Variants in TTN observed in about 807,000 individuals in gnomAD.
The protein encoded by TTN is connectin.
TTN carries 1,525 observed loss-of-function variants against 3,223.0 expected under a neutral mutation model. The observed-to-expected ratio is 0.47, with a 90% CI of 0.45 to 0.49. The LOEUF (loss-of-function observed/expected upper bound fraction) is 0.49, where lower values mean the gene tolerates loss of function less well. Ranked by LOEUF, TTN falls within the 20% of genes least tolerant of loss-of-function variation. TTN has a pLI of 0.00. For synonymous variants in TTN, 14,094 were observed against 15,161.0 expected (o/e 0.93, Z 5.17); for missense variants, 40,786 against 43,424.0 (o/e 0.94, Z 5.40).
chr2:178,563,200 G>T lies in TTN; in HGVS notation c.82932C>A (p.Phe27644Leu), dbSNP rs1166436364. The T allele has an allele frequency of 1.2e-6, 2 of 1,613,696 alleles. No homozygotes were observed. The highest frequency in any genetic ancestry group is 2.2e-5 in the South Asian group (2 of 91,072). Residue 27644 changes from phenylalanine (F) to leucine (L), a missense_variant, in exon 326 of 363, where the codon TTC (phenylalanine) becomes TTA (leucine). Transcript: ENST00000589042. This position sits in a 1 kb window ranked among gnomAD's most constrained non-coding sequence, Gnocchi z 4.5. ...TKLKENTEYNFRICAINSEGV... is the reference protein window; with the variant it reads ...TKLKENTEYNLRICAINSEGV... ...CTTCAGAATTGATGGCACAAATACG[G>T]AAGTTATATTCAGTGTTTTCTTTAA...
At chr2:178,650,616 G>A (rs574608562) in intron 209 of TTN, 135 bp downstream of exon 209, 14 of 913,998 alleles carry the variant, frequency 1.5e-5, no homozygotes, top group African/African-American at 3.4e-5. Context: ...AGCTAATTTA[G>A]AATGATGAAT....
Position 178,617,420 on chromosome 2 carries a change from T to A in TTN, c.47665A>T (p.Ser15889Cys). The A allele has an allele frequency of 6.3e-7, 1 of 1,592,848 alleles. No homozygotes were observed. The highest frequency in any genetic ancestry group is 8.5e-7 in the Non-Finnish European group (1 of 1,173,100). The change falls in exon 254 of 363, where the codon AGC becomes TGC. Residue 15889 changes from serine (S) to cysteine (C), a missense_variant. Physicochemically the swap from Ser to Cys is moderately radical, Grantham distance 112 (BLOSUM62 -1). Transcript: ENST00000589042. Reference sequence around the variant, plus strand: ...TCAATTATATAGCCTAATATTGGGCTTCCTCCATCTTTCAGAGGAGGTTCC... The same window carrying A: ...TCAATTATATAGCCTAATATTGGGCATCCTCCATCTTTCAGAGGAGGTTCC... The part of the protein sequence containing the change: ...KWEPPLKDGG[S>C]PILGYIIERC...
rs1060500532 is a variant in TTN, at chr2:178,785,864, A to G, written c.2354T>C (p.Met785Thr). 2 of 1,614,012 alleles carry G rather than the reference A, an allele frequency of 1.2e-6. No homozygotes were observed. The highest frequency in any genetic ancestry group is 1.7e-6 in the Non-Finnish European group (2 of 1,180,022). The part of the protein sequence containing the change: ...THIKTTDQKG[M>T]HISSQIKKTT... ...TAGACTCACCTGTGATGATATGTGCATTCCCTTTTGATCAGTAGTTTTGAT... is the reference window on the plus strand; with the variant it reads ...TAGACTCACCTGTGATGATATGTGCGTTCCCTTTTGATCAGTAGTTTTGAT... Residue 785 changes from methionine (M) to threonine (T), a missense_variant, in exon 14 of 363, where the codon ATG becomes ACG. Physicochemically the swap from Met to Thr is moderately conservative, Grantham distance 81. Transcript: ENST00000589042.
chr2:178,730,828 G>T lies in TTN; in HGVS notation c.17741-36C>A, dbSNP rs770797670. 10 of 1,540,556 alleles carry T rather than the reference G, an allele frequency of 6.5e-6. No individual in the cohort carries two copies. The East Asian group carries it at 2.0e-4, about 31-fold the overall frequency. ...AAAAAGCAAACAACAACAAAAAAAG[G>T]TCAATCTACTAATTTGTTTTTGTTT... On this transcript the variant is annotated intron_variant, in intron 60 of 362. Transcript: ENST00000589042.
Position 178,601,463 on chromosome 2 carries a change from T to C in TTN, c.55534A>G (p.Lys18512Glu). Reference protein sequence around the residue: ...MPDDDGGDRIKGYVIEKRTID... With the variant: ...MPDDDGGDRIEGYVIEKRTID... ...GTCCTCTTCTCAATAACATAGCCTT[T>C]GATCCTGTCTCCTCCATCGTCGTCT... Residue 18512 changes from lysine to glutamate, a missense_variant, in exon 287 of 363, where the codon AAA becomes GAA. By Grantham distance (56) the Lys-to-Glu change is moderately conservative. Transcript: ENST00000589042. The C allele has an allele frequency of 6.2e-7, 1 of 1,613,088 alleles. No homozygotes were observed.
intron 221 of TTN, among the ~76,000 whole-genome samples, chr2:178,640,324 C>A (rs2061069264): frequency 6.6e-6 from 1 of 151,916 alleles, no homozygotes; most frequent in Non-Finnish European, 1.5e-5. Flanking sequence ...TTATTTATCT[C>A]ATTGCCCATA....
chr2:178,609,490 A>T lies in TTN; in HGVS notation c.51820T>A (p.Ser17274Thr). 1 of 1,612,514 alleles carries T rather than the reference A, an allele frequency of 6.2e-7. No individual in the cohort carries two copies. The highest frequency in any genetic ancestry group is 8.5e-7 in the Non-Finnish European group (1 of 1,179,150). The change falls in exon 273 of 363, where the codon TCA becomes ACA. Residue 17274 changes from serine to threonine, a missense_variant. Physicochemically the swap from Ser to Thr is moderately conservative, Grantham distance 58. Transcript: ENST00000589042. ...EIALDASISG[S>T]PYPTITWIKD... ...ATCCATGTAATAGTTGGGTAAGGTG[A>T]TCCAGAAATACTTGCATCAAGTGCT...
intron 154 of TTN, 57 bp downstream of exon 154, chr2:178,672,350 C>T: frequency 6.2e-7 from 1 of 1,600,164 alleles, no homozygotes; most frequent in Non-Finnish European, 8.5e-7. Flanking sequence ...ATTTTTAAAA[C>T]TGAATAAAGG....
In TTN at chr2:178,553,288, A is replaced by G; in HGVS notation, c.89612T>C (p.Val29871Ala). ...ATTCTTCTCATCTTTTCTCCATGTG[A>G]CAGTAGGTGGAGGTCTGCCTTTAAA... ...IPFKGRPPPTVTWRKDEKNLG... is the reference protein window; with the variant it reads ...IPFKGRPPPTATWRKDEKNLG... Residue 29871 changes from valine (V) to alanine (A), a missense_variant, in exon 335 of 363, where the codon GTC becomes GCC. Coordinates refer to ENST00000589042, the MANE Select transcript of TTN (RefSeq NM_001267550.2). The G allele has an allele frequency of 1.2e-6, 2 of 1,609,830 alleles. No homozygotes were observed. The highest frequency in any genetic ancestry group is 1.7e-6 in the Non-Finnish European group (2 of 1,179,804).
At position 178,576,355 on chromosome 2, in the gene TTN, C is replaced by T; in HGVS notation, c.69777G>A (p.Leu23259=). 1 of 1,557,436 alleles carries T rather than the reference C, an allele frequency of 6.4e-7. No homozygotes were observed. The highest frequency in any genetic ancestry group is 8.6e-7 in the Non-Finnish European group (1 of 1,158,780). Residue 23259 remains leucine (L), a synonymous_variant, in exon 326 of 363, where the codon TTG becomes TTA. Coordinates refer to ENST00000589042, the MANE Select transcript of TTN (RefSeq NM_001267550.2). The surrounding 1 kb of genome is among the most constrained non-coding windows in gnomAD (Gnocchi z 4.3). ...CATCATAATGAGGCTTGCCCCATGC[C>T]AAAGAAGCAGATTTCTTGGTAGTAT... is the stretch of plus-strand genomic sequence containing the variant. ...VTDTTKKSAS[L]AWGKPHYDGG...
chr2:178,782,404 A>T lies in TTN; in HGVS notation c.3188T>A (p.Val1063Asp). 6.2e-7 allele frequency: 1 copy of T among 1,614,076 alleles called. No homozygotes were observed. The highest frequency in any genetic ancestry group is 1.3e-5 in the African/African-American group (1 of 75,032). The change falls in exon 20 of 363, where the codon GTT becomes GAT. Residue 1063 changes from valine to aspartate, a missense_variant. By Grantham distance (152) the Val-to-Asp change is radical. Coordinates refer to ENST00000589042, the MANE Select transcript of TTN (RefSeq NM_001267550.2). ...CTCTGTGAGGCTAGTATCAGTCATA[A>T]CCACATCTCTTGACTCAACAAAGCT... ...EKRFVESRDV[V>D]MTDTSLTEEQ...
chr2:178,736,370 T>C (rs2081437046), intron 49 of TTN, among the ~76,000 whole-genome samples: 1 of 152,196 alleles, frequency 6.6e-6, no homozygotes, highest in Non-Finnish European at 1.5e-5. Flanking sequence ...TGTTTAATTA[T>C]TTGATAAGCT....
At chr2:178,626,254 G>A (rs1032663595) in intron 240 of TTN, among the ~76,000 whole-genome samples, 5 of 151,908 alleles carry the variant, frequency 3.3e-5, no homozygotes, top group Non-Finnish European at 7.4e-5. Context: ...TAAATAATTT[G>A]TACAACCTAT....
At position 178,722,059 on chromosome 2, in the gene TTN, T is replaced by C. The variant is rs773956492; in HGVS notation, c.22604A>G (p.Glu7535Gly). The change falls in exon 78 of 363, where the codon GAG becomes GGG. Residue 7535 changes from glutamate to glycine, a missense_variant. Physicochemically the swap from Glu to Gly is moderately conservative, Grantham distance 98. Transcript: ENST00000589042. ...CGGTTGAGCACCAGTAACATGACAC[T>C]CAAAATCAGCACTTTCTCCAGCAAT... ...DVIAGESADF[E>G]CHVTGAQPMR... 5 of 1,612,396 alleles carry C rather than the reference T, an allele frequency of 3.1e-6. No individual in the cohort carries two copies. The highest frequency in any genetic ancestry group is 4.2e-6 in the Non-Finnish European group (5 of 1,179,090).
chr2:178,579,194 A>G lies in TTN; in HGVS notation c.67836T>C (p.Asp22612=), dbSNP rs1375493430. The part of the protein sequence containing the change: ...SAVNTTLIVY[D]CQKSDAGKYT... ...ATTTTCCAGCATCAGATTTTTGGCA[A>G]TCGTACACTATAAGAGTTGTGTTAA... is the stretch of plus-strand genomic sequence containing the variant. The change falls in exon 320 of 363, where the codon GAT becomes GAC. Residue 22612 remains aspartate, a synonymous_variant. Coordinates refer to ENST00000589042, the MANE Select transcript of TTN (RefSeq NM_001267550.2). 1.2e-6 allele frequency: 2 copies of G among 1,613,530 alleles called. No homozygotes were observed. The highest frequency in any genetic ancestry group is 1.1e-5 in the South Asian group (1 of 91,078).
At position 178,728,152 on chromosome 2, in the gene TTN, C is replaced by T. The variant is rs879223660; in HGVS notation, c.19672G>A (p.Val6558Ile). The T allele has an allele frequency of 3.7e-6, 6 of 1,606,654 alleles. No homozygotes were observed. The African/African-American group carries it at 8.0e-5, about 21-fold the overall frequency. ...TANYTCKVSN[V>I]AGDDACSGIL... is the part of the protein sequence containing the mutation. The stretch of plus-strand genomic sequence containing the variant: ...CCACTGCATGCATCATCTCCTGCTA[C>T]ATTTGACACTTTGCATGTGTAATTT... The change falls in exon 67 of 363, where the codon GTA (valine) becomes ATA (isoleucine). Residue 6558 changes from valine to isoleucine, a missense_variant. By Grantham distance (29) the Val-to-Ile change is conservative. Transcript: ENST00000589042.
rs2154303373 is a variant in TTN, at chr2:178,724,160, A to T, written c.21116-17T>A. The T allele has an allele frequency of 1.3e-6, 2 of 1,597,738 alleles. No homozygotes were observed. The highest frequency in any genetic ancestry group is 1.7e-6 in the Non-Finnish European group (2 of 1,171,830). On this transcript the variant is annotated splice_polypyrimidine_tract_variant and intron_variant, in intron 72 of 362. Coordinates refer to ENST00000589042, the MANE Select transcript of TTN (RefSeq NM_001267550.2). Reference sequence around the variant, plus strand: ...CTGCTCGGTCTGTGTGAGGAAAGGTAAGAGACTCATCATGATTTGAAAGAA... The same window carrying T: ...CTGCTCGGTCTGTGTGAGGAAAGGTTAGAGACTCATCATGATTTGAAAGAA...
rs371480338 is a variant in TTN at position 178,527,729 on chromosome 2, G to A, written c.107397C>T (p.Ser35799=). The part of the protein sequence containing the change: ...LMVLPLVEEP[S]REVVLRTSGD... The stretch of plus-strand genomic sequence containing the variant: ...CACTTGTTCTCAATACTACCTCTCT[G>A]GAAGGTTCTTCAACTAGAGCTGTGG... Residue 35799 remains serine, a synonymous_variant, in exon 362 of 363, where the codon TCC becomes TCT. Coordinates refer to ENST00000589042, the MANE Select transcript of TTN (RefSeq NM_001267550.2). The A allele has an allele frequency of 1.2e-3, 1,941 of 1,601,666 alleles. 4 individuals are homozygous for A. The highest frequency in any genetic ancestry group is 1.5e-3 in the Non-Finnish European group (1,780 of 1,171,880).
chr2:178,652,737 C>T lies in TTN; in HGVS notation c.38960-1G>A. The T allele has an allele frequency of 1.2e-6, 2 of 1,612,428 alleles. No individual in the cohort carries two copies. Among genetic ancestry groups the T allele is most frequent in the South Asian group, 1.1e-5 (1 of 90,998 alleles). ...ACAACCTCTTTGGGAGCCTCTGGTA[C>T]TTAAAAGATATTAGTGAAATTACAT... On this transcript the variant is annotated splice_acceptor_variant, in intron 200 of 362. Transcript: ENST00000589042. LOFTEE classifies it high-confidence loss of function.
Sources: gnomAD v4.1 joint callset for allele counts (sites outside exome capture counted in the v4.1 genomes callset) on GRCh38, gnomAD v4.1.1 for gene constraint, Gnocchi (gnomAD v3.1) non-coding constraint, MANE v1.5 for transcripts, NCBI Gene and HGNC (gene_info 2026-07-23, HGNC 2026-07-21) for gene names.